The following PPFIA1 variants were observed in gnomAD, a reference collection of about 807,000 sequenced individuals.
PPFIA1 encodes liprin-alpha-1.
A neutral mutation model predicts 149.9 loss-of-function variants in PPFIA1; 25 were observed. The observed-to-expected ratio is 0.17, with a 90% CI of 0.12 to 0.23. The LOEUF is 0.23. Ranked by LOEUF, PPFIA1 falls within the 10% of genes least tolerant of loss-of-function variation. The probability of loss-of-function intolerance (pLI) is 1.00; values close to 1 mark genes in which losing one functional copy is unlikely to be tolerated. For missense variants in PPFIA1, 1,362 were observed against 1,506.5 expected, an observed-to-expected ratio of 0.90 and a Z score of 1.59; for synonymous variants, 549 against 552.8, an observed-to-expected ratio of 0.99 and a Z score of 0.10.
rs935405912 is a variant in PPFIA1, at chr11:70,378,399, C to T, written c.3550+204C>T. The T allele has an allele frequency of 5.6e-5, 72 of 1,288,068 alleles. No homozygotes were observed. In the African/African-American group the frequency reaches 8.6e-4, roughly 15 times the overall value. The allele number at this position is 1,288,068 out of a possible 1,614,324, so 79.8% of individuals were successfully genotyped here. On this transcript the variant is annotated intron_variant, in intron 26 of 27. Transcript: ENST00000253925. ...CCATAATAATAGAATTTTTAAAACA[C>T]GCTTGTCTGGTTGAATCTTAGCATA... is the stretch of plus-strand genomic sequence containing the variant.
At chr11:70,339,336 T>TA in intron 14 of PPFIA1, 30 bp downstream of exon 14, 1 of 1,596,642 alleles carries the variant, frequency 6.3e-7, no homozygotes, top group Non-Finnish European at 8.6e-7. Flanking sequence ...TACCTCTGCT[T>TA]ACGTGAAAGT....
rs370862658 is a variant in PPFIA1, at chr11:70,278,475, T to C, written c.264+6039T>C. On this transcript the variant is annotated intron_variant, in intron 2 of 27. Coordinates refer to ENST00000253925, the MANE Select transcript of PPFIA1 (RefSeq NM_003626.5). ...CTTGACAAGTCAGCTTTTGGTGTTATTGTTGTCCCATTTGAAGTAATACTT... is the reference window on the plus strand; with the variant it reads ...CTTGACAAGTCAGCTTTTGGTGTTACTGTTGTCCCATTTGAAGTAATACTT... 2.0e-5 allele frequency among the ~76,000 whole-genome samples: 3 copies of C among 152,232 alleles called. No homozygotes were observed. The South Asian group carries it at 6.2e-4, about 32-fold the overall frequency.
At chr11:70,345,542 C>G (rs1457909887) in intron 15 of PPFIA1, among the ~76,000 whole-genome samples, 1 of 152,042 alleles carries the variant, frequency 6.6e-6, no homozygotes, top group African/African-American at 2.4e-5. Context: ...GGCTGAACAG[C>G]TGGAAGGATG....
chr11:70,275,561 A>T (rs2050333150), intron 2 of PPFIA1, among the ~76,000 whole-genome samples: 1 of 152,152 alleles, frequency 6.6e-6, no homozygotes, highest in Admixed American at 6.5e-5. Flanking sequence ...TTAATCTTCC[A>T]TCTGAAATTG....
chr11:70,271,486 C>T (rs2135958762), intron 1 of PPFIA1, among the ~76,000 whole-genome samples: 1 of 152,272 alleles, frequency 6.6e-6, no homozygotes, highest in East Asian at 1.9e-4. Flanking sequence ...TAGCCGCCCC[C>T]GGCTGTATCG....
chr11:70,350,042 A>G (rs529218342), intron 16 of PPFIA1: 1 of 442,390 alleles, frequency 2.3e-6, no homozygotes, highest in East Asian at 7.3e-5. Flanking sequence ...ATGCTCAGGT[A>G]ACCACGCAAC....
chr11:70,348,346 A>G lies in PPFIA1; in HGVS notation c.2089A>G (p.Ser697Gly). ...SSLASSSPPG[S>G]GRSTPRRIPH... ...GCTTGCTAGCTCCTCCCCTCCGGGC[A>G]GTGGGCGCTCCACCCCACGAAGGAT... Residue 697 changes from serine to glycine, a missense_variant, in exon 16 of 28, where the codon AGT becomes GGT. Transcript: ENST00000253925. The G allele has an allele frequency of 6.2e-7, 1 of 1,614,086 alleles. No homozygotes were observed. Among genetic ancestry groups the G allele is most frequent in the African/African-American group, 1.3e-5 (1 of 75,038 alleles).
intron 16 of PPFIA1, among the ~76,000 whole-genome samples, chr11:70,351,978 T>C (rs1394791536): frequency 6.6e-6 from 1 of 152,218 alleles, no homozygotes; most frequent in Non-Finnish European, 1.5e-5. Flanking sequence ...GCTCAGCAGC[T>C]GTTCTTTATG....
chr11:70,288,651 T>C (rs1446456175), intron 2 of PPFIA1, among the ~76,000 whole-genome samples: 1 of 152,222 alleles, frequency 6.6e-6, no homozygotes, highest in Admixed American at 6.5e-5. Flanking sequence ...AAGAGTGTTC[T>C]CCTTTGTTCA....
intron 2 of PPFIA1, among the ~76,000 whole-genome samples, chr11:70,292,453 T>C (rs183664594): frequency 2.6e-5 from 4 of 152,372 alleles, no homozygotes; most frequent in African/African-American, 7.2e-5. Context: ...TGGACTCGCA[T>C]GTCCCCTTTC....
intron 2 of PPFIA1, among the ~76,000 whole-genome samples, chr11:70,282,920 A>C (rs779513689): frequency 7.5e-5 from 11 of 146,476 alleles, no homozygotes; most frequent in Non-Finnish European, 1.6e-4. Flanking sequence ...GCTCACTGCA[A>C]CCTCCATGTC....
chr11:70,316,112 C>T (rs78014161), intron 2 of PPFIA1, among the ~76,000 whole-genome samples: 1 of 152,122 alleles, frequency 6.6e-6, no homozygotes, highest in South Asian at 2.1e-4. Flanking sequence ...GCTCTCATTG[C>T]CCAGGCTGGA....
chr11:70,372,406 T>C lies in PPFIA1; in HGVS notation c.3041+16T>C, dbSNP rs1377909918. The C allele has an allele frequency of 5.6e-6, 9 of 1,613,646 alleles. No individual in the cohort carries two copies. Among genetic ancestry groups the C allele is most frequent in the Non-Finnish European group, 6.8e-6 (8 of 1,179,728 alleles). ...GTTTTCACAGGTAACTTAATGGAGA[T>C]AGTTCTTAATAATTGGCTAAGATTT... On this transcript the variant is annotated intron_variant, in intron 22 of 27. Coordinates refer to ENST00000253925, the MANE Select transcript of PPFIA1 (RefSeq NM_003626.5).
At chr11:70,330,100 T>G in intron 7 of PPFIA1, 73 bp from the exon 8 acceptor site, 1 of 1,378,502 alleles carries the variant, frequency 7.3e-7, no homozygotes, top group Non-Finnish European at 9.9e-7. Flanking sequence ...TTCAGTTTTT[T>G]TCTCTCTTAA....
intron 21 of PPFIA1, chr11:70,365,943 A>G (rs974039646): frequency 4.4e-6 from 2 of 456,708 alleles, no homozygotes; most frequent in Admixed American, 4.7e-5. Flanking sequence ...AACCCCAGGA[A>G]GATGAGGAGG....
At chr11:70,299,653 C>T (rs531008755) in intron 2 of PPFIA1, among the ~76,000 whole-genome samples, 1 of 152,302 alleles carries the variant, frequency 6.6e-6, no homozygotes, top group Admixed American at 6.5e-5. Context: ...CAGAACTGTG[C>T]TCTCCTTCCC....
chr11:70,378,889 A>G (rs116771810), intron 26 of PPFIA1, among the ~76,000 whole-genome samples: 2,611 of 152,104 alleles, frequency 0.017, 67 homozygotes, highest in African/African-American at 0.058. Context: ...AGGTCTCTCA[A>G]CTCTGCCCTT....
At chr11:70,311,447 T>C (rs1158403200) in intron 2 of PPFIA1, among the ~76,000 whole-genome samples, 5 of 152,230 alleles carry the variant, frequency 3.3e-5, no homozygotes, top group Non-Finnish European at 5.9e-5. Context: ...TTCTTCAAAC[T>C]GTTAACAGTA....
intron 2 of PPFIA1, among the ~76,000 whole-genome samples, chr11:70,291,876 C>T (rs746742806): frequency 4.5e-5 from 6 of 133,754 alleles, no homozygotes; most frequent in East Asian, 2.3e-4. Context: ...CTTGCTCTGT[C>T]GCCCAGGCTG....
Sources: gnomAD v4.1 joint callset for allele counts (sites outside exome capture counted in the v4.1 genomes callset) on GRCh38, gnomAD v4.1.1 for gene constraint, MANE v1.5 for transcripts, NCBI Gene and HGNC (gene_info 2026-07-23, HGNC 2026-07-21) for gene names.